GPSM1: variants seen among roughly 807,000 people sequenced by gnomAD.
GPSM1 encodes G protein-signaling modulator 1.
Under a neutral mutation model 70.5 loss-of-function variants are expected in GPSM1, and 48 were observed. That is an observed-to-expected ratio of 0.68 (90% CI 0.54 to 0.87). The LOEUF is 0.87. Among genes scored for constraint, GPSM1 ranks in the 40% least tolerant of loss-of-function variants. The pLI is 0.00. For synonymous variants in GPSM1, 416 were observed against 430.1 expected (o/e 0.97, Z 0.41); for missense variants, 981 against 972.6 (o/e 1.01, Z -0.11).
intron 1 of GPSM1, among the ~76,000 whole-genome samples, chr9:136,331,741 C>T (rs1395341667): frequency 2.6e-5 from 4 of 152,206 alleles, no homozygotes; most frequent in Non-Finnish European, 5.9e-5. Flanking sequence ...TGGAGGAGCA[C>T]GTTGGACGGG....
In GPSM1 at chr9:136,337,828, T is replaced by G. The variant is rs782611215; in HGVS notation, c.703-18T>G. ...GGGGCTGCGCCATGACCACCTGGCC[T>G]CCGGTGTGTCTCCGCAGCGCCTGGC... On this transcript the variant is annotated intron_variant, in intron 5 of 13. Coordinates refer to ENST00000440944, the MANE Select transcript of GPSM1 (RefSeq NM_001145638.3). The G allele has an allele frequency of 6.3e-7, 1 of 1,582,708 alleles. No homozygotes were observed.
At chr9:136,353,008 T>G (rs1451737494) in intron 11 of GPSM1, 1 of 811,802 alleles carries the variant, frequency 1.2e-6, no homozygotes, top group East Asian at 1.2e-4. Flanking sequence ...GGGTCCTATT[T>G]AAGCCTCAGG....
At position 136,338,324 on chromosome 9, in the gene GPSM1, C is replaced by T. The variant is rs527698163; in HGVS notation, c.819-231C>T. Among the ~76,000 whole-genome samples the T allele has an allele frequency of 5.3e-5, 8 of 152,342 alleles. No individual in the cohort carries two copies. The East Asian group carries it at 7.7e-4, about 15-fold the overall frequency. ...CAGGTCCTCCGGGGAGGAGTGGTGGCGGCTCAGGGTGGTCAGGCAACTTGC... is the reference window on the plus strand; with the variant it reads ...CAGGTCCTCCGGGGAGGAGTGGTGGTGGCTCAGGGTGGTCAGGCAACTTGC... On this transcript the variant is annotated intron_variant, in intron 6 of 13. Transcript: ENST00000440944.
intron 1 of GPSM1, among the ~76,000 whole-genome samples, chr9:136,329,262 G>A (rs536655008): frequency 2.6e-4 from 40 of 152,278 alleles, no homozygotes; most frequent in South Asian, 4.1e-4. Context: ...GGGGAAGCGC[G>A]CCAAGCCCTC....
At chr9:136,338,064 T>TCC (rs1832292520) in intron 6 of GPSM1, 103 bp downstream of exon 6, 1 of 741,382 alleles carries the variant, frequency 1.3e-6, no homozygotes, top group Admixed American at 2.6e-5. Context: ...CTGCCTCCCC[T>TCC]CCCCTCCCCA....
chr9:136,349,438 C>G, intron 10 of GPSM1, 149 bp from the exon 11 acceptor site: 2 of 704,920 alleles, frequency 2.8e-6, no homozygotes, highest in Non-Finnish European at 4.6e-6. Flanking sequence ...CAAGGGCCCA[C>G]AGCCCCAGTC....
chr9:136,347,684 C>T (rs1588702050), intron 9 of GPSM1, among the ~76,000 whole-genome samples: 1 of 152,180 alleles, frequency 6.6e-6, no homozygotes, highest in South Asian at 2.1e-4. Context: ...TCCCACAGGG[C>T]TTCCTGCCTG....
At chr9:136,329,292 GT>G (rs71384071) in intron 1 of GPSM1, among the ~76,000 whole-genome samples, 5,369 of 152,274 alleles carry the variant, frequency 0.035, 118 homozygotes, top group Admixed American at 0.057. Flanking sequence ...CTGTGACGAG[GT>G]CCCCCCGGGA....
chr9:136,358,045 C>G lies in GPSM1; in HGVS notation c.1853C>G (p.Pro618Arg), dbSNP rs1179952319. ...AGGATCGATGACCAGCGCTGCCCGC[C>G]ACCTGACGTACTGCCCCGGGGCCCT... Reference protein sequence around the residue: ...SSRIDDQRCPPPDVLPRGPTM... With the variant: ...SSRIDDQRCPRPDVLPRGPTM... The change falls in exon 14 of 14, where the codon CCA becomes CGA. Residue 618 changes from proline to arginine, a missense_variant. Transcript: ENST00000440944. 3.1e-6 allele frequency: 5 copies of G among 1,612,608 alleles called. No homozygotes were observed. The highest frequency in any genetic ancestry group is 1.6e-4 in the Middle Eastern group (1 of 6,082).
Position 136,327,708 on chromosome 9 carries a change from G to GC in GPSM1, c.17dup (p.Pro7AlafsTer46). 4.3e-6 allele frequency: 5 copies of GC among 1,160,328 alleles called. No homozygotes were observed. The highest frequency in any genetic ancestry group is 5.3e-6 in the Non-Finnish European group (5 of 943,348). The allele number at this position is 1,160,328 out of a possible 1,614,324, so 71.9% of individuals were successfully genotyped here. On this transcript the variant is annotated frameshift_variant, in exon 1 of 14. Coordinates refer to ENST00000440944, the MANE Select transcript of GPSM1 (RefSeq NM_001145638.3). LOFTEE classifies it high-confidence loss of function. ...GCGTCCCCGACCCATGGCGGGCCCGGCCCCGCCCGCGGCCGACGAGCTCCC... is the reference window on the plus strand; with the variant it reads ...GCGTCCCCGACCCATGGCGGGCCCGGCCCCCGCCCGCGGCCGACGAGCTCCC...
chr9:136,344,941 G>A (rs1277030216), intron 9 of GPSM1, among the ~76,000 whole-genome samples: 3 of 152,206 alleles, frequency 2.0e-5, no homozygotes, highest in Non-Finnish European at 4.4e-5. Flanking sequence ...CTTGCATGGA[G>A]AGGGGACTTA....
intron 1 of GPSM1, among the ~76,000 whole-genome samples, chr9:136,331,119 G>T (rs1832087126): frequency 6.6e-6 from 1 of 152,178 alleles, no homozygotes; most frequent in Non-Finnish European, 1.5e-5. Context: ...GGCCACAGGT[G>T]GCTGGAGAAG....
In GPSM1 at chr9:136,358,455, G is replaced by C; in HGVS notation, c.*235G>C. 1 of 559,698 alleles carries C rather than the reference G, an allele frequency of 1.8e-6. No individual in the cohort carries two copies. Among genetic ancestry groups the C allele is most frequent in the South Asian group, 2.3e-5 (1 of 44,186 alleles). The allele number at this position is 559,698 out of a possible 1,614,324, so 34.7% of individuals were successfully genotyped here. A position where few individuals can be genotyped will look rare whatever the true frequency, so the allele number is the denominator to read the frequency against. On this transcript the variant is annotated 3_prime_UTR_variant, in exon 14 of 14. Transcript: ENST00000440944. ...TTCCTCCCTTCTGCCCCTGCCGCAG[G>C]CCGGACGGGGCCTTCGGCATGTCGG... is the stretch of plus-strand genomic sequence containing the variant.
chr9:136,355,510 TAG>T, intron 11 of GPSM1, 178 bp from the exon 12 acceptor site: 2 of 426,614 alleles, frequency 4.7e-6, no homozygotes, highest in East Asian at 4.2e-5. Context: ...GGGGGAGGGG[TAG>T]CCGGGTGCCG....
intron 1 of GPSM1, 71 bp downstream of exon 1, chr9:136,327,834 G>C (rs1169633604): frequency 1.9e-6 from 1 of 540,300 alleles, no homozygotes; most frequent in Non-Finnish European, 2.6e-6. Context: ...ACGCGGGGGA[G>C]GCTGCAGTTG....
intron 12 of GPSM1, 106 bp from the exon 13 acceptor site, chr9:136,356,236 A>G (rs1361569326): frequency 5.7e-6 from 5 of 872,182 alleles, no homozygotes; most frequent in African/African-American, 1.7e-5. Flanking sequence ...CCAGCAGCAC[A>G]GTGGGCTGGG....
In GPSM1 at chr9:136,342,722, C is replaced by T. The variant is rs1832423834; in HGVS notation, c.1207+1729C>T. ...GAAGGACCCACGCAGCCTCCCCATT[C>T]GGCAGGTGCGGAGGGCGGGGTGGAT... On this transcript the variant is annotated intron_variant, in intron 9 of 13. Coordinates refer to ENST00000440944, the MANE Select transcript of GPSM1 (RefSeq NM_001145638.3). This position sits in a 1 kb window ranked among gnomAD's most constrained non-coding sequence, Gnocchi z 5.5. 6.6e-6 allele frequency among the ~76,000 whole-genome samples: 1 copy of T among 151,884 alleles called. No individual in the cohort carries two copies. The highest frequency in any genetic ancestry group is 1.5e-5 in the Non-Finnish European group (1 of 67,948).
chr9:136,339,620 G>T (rs1648899908), intron 7 of GPSM1, 87 bp from the exon 8 acceptor site: 1 of 921,004 alleles, frequency 1.1e-6, no homozygotes, highest in Non-Finnish European at 1.7e-6. Context: ...CCAGGGTCAT[G>T]CTGGGGCCGT....
At chr9:136,353,012 C>A in intron 11 of GPSM1, 1 of 836,910 alleles carries the variant, frequency 1.2e-6, no homozygotes, top group Non-Finnish European at 1.4e-6. Context: ...CCTATTTAAG[C>A]CTCAGGCATC....
Sources: gnomAD v4.1 joint callset for allele counts (sites outside exome capture counted in the v4.1 genomes callset) on GRCh38, gnomAD v4.1.1 for gene constraint, Gnocchi (gnomAD v3.1) non-coding constraint, MANE v1.5 for transcripts, NCBI Gene and HGNC (gene_info 2026-07-23, HGNC 2026-07-21) for gene names.